PIK3C2A: variants seen among roughly 807,000 people sequenced by gnomAD.
PIK3C2A encodes the protein phosphatidylinositol 4-phosphate 3-kinase C2 domain-containing subunit alpha.
A neutral mutation model predicts 204.5 loss-of-function variants in PIK3C2A; 97 were observed. The ratio of observed to expected loss-of-function variants is 0.47; its 90% CI spans 0.40 to 0.56. The LOEUF (loss-of-function observed/expected upper bound fraction) is 0.56. Ranked by LOEUF, PIK3C2A falls within the 20% of genes least tolerant of loss-of-function variation. The probability of loss-of-function intolerance (pLI) is 0.00; values close to 1 mark genes in which losing one functional copy is unlikely to be tolerated. For missense variants in PIK3C2A, 1,735 were observed against 1,969.2 expected, an observed-to-expected ratio of 0.88 and a Z score of 2.25; for synonymous variants, 653 against 664.4, an observed-to-expected ratio of 0.98 and a Z score of 0.26.
At chr11:17,123,185 A>C (rs1287614889) in intron 13 of PIK3C2A, among the ~76,000 whole-genome samples, 2 of 152,222 alleles carry the variant, frequency 1.3e-5, no homozygotes, top group Non-Finnish European at 2.9e-5. Flanking sequence ...TTTGGATTAC[A>C]GAACTGCTTC....
intron 20 of PIK3C2A, among the ~76,000 whole-genome samples, chr11:17,113,994 C>T (rs1239015846): frequency 1.3e-5 from 2 of 151,752 alleles, no homozygotes; most frequent in Non-Finnish European, 2.9e-5. Context: ...GCAGGAGAAT[C>T]GCTTGAACTT....
intron 32 of PIK3C2A, among the ~76,000 whole-genome samples, chr11:17,090,474 TAAATA>T (rs1213263225): frequency 1.3e-5 from 2 of 151,968 alleles, no homozygotes; most frequent in Admixed American, 6.6e-5. Flanking sequence ...CCTCTAAAAA[TAAATA>T]AAATAATATA....
At chr11:17,133,380 T>G (rs566340609) in intron 11 of PIK3C2A, among the ~76,000 whole-genome samples, 26 of 152,120 alleles carry the variant, frequency 1.7e-4, no homozygotes, top group Non-Finnish European at 2.6e-4. Flanking sequence ...GTACAGGTTT[T>G]TTGCCGCCTT....
Position 17,089,431 on chromosome 11 carries a change from A to ACTGAC in PIK3C2A, c.*302_*306dup, listed in dbSNP as rs1288416318. On this transcript the variant is annotated 3_prime_UTR_variant, in exon 33 of 33. Transcript: ENST00000691414. ...AAAACAATGCAAAATAGGTGGCTGA[A>ACTGAC]CTGACATAGTACTGTCTCAAAGTCT... 1 of 212,222 alleles carries ACTGAC rather than the reference A, an allele frequency of 4.7e-6. No individual in the cohort carries two copies. The highest frequency in any genetic ancestry group is 2.3e-5 in the African/African-American group (1 of 43,918). 13.1% of individuals were successfully genotyped at this position (212,222 alleles called of 1,614,324 possible).
chr11:17,119,006 G>A (rs573108210), intron 17 of PIK3C2A, among the ~76,000 whole-genome samples: 1 of 152,086 alleles, frequency 6.6e-6, no homozygotes, highest in Non-Finnish European at 1.5e-5. Flanking sequence ...TAAAAAGTCT[G>A]AAAACTAAAA....
chr11:17,139,890 T>A (rs116645543), intron 8 of PIK3C2A, among the ~76,000 whole-genome samples: 2,720 of 152,256 alleles, frequency 0.018, 87 homozygotes, highest in African/African-American at 0.061. Context: ...GCTGAGCACT[T>A]TTAGGAAAAT....
intron 13 of PIK3C2A, among the ~76,000 whole-genome samples, chr11:17,128,022 T>C (rs896590735): frequency 7.9e-5 from 12 of 152,172 alleles, no homozygotes; most frequent in Admixed American, 2.6e-4. Flanking sequence ...ATCTCTGTAC[T>C]TTGATTCCCC....
chr11:17,198,541 G>A (rs1055206339), intron 1 of PIK3C2A, among the ~76,000 whole-genome samples: 1 of 152,094 alleles, frequency 6.6e-6, no homozygotes, highest in African/African-American at 2.4e-5. Flanking sequence ...ATATAATAGC[G>A]ATTTTAAAAT....
At chr11:17,115,259 T>C (rs1590924091) in intron 19 of PIK3C2A, among the ~76,000 whole-genome samples, 1 of 150,054 alleles carries the variant, frequency 6.7e-6, no homozygotes, top group Non-Finnish European at 1.5e-5. Context: ...ATAGGCTGGG[T>C]GGATGGCTCA....
intron 2 of PIK3C2A, among the ~76,000 whole-genome samples, chr11:17,162,529 G>C (rs1372357331): frequency 6.6e-6 from 1 of 152,114 alleles, no homozygotes; most frequent in East Asian, 1.9e-4. Flanking sequence ...AACCTAACTG[G>C]ATGTGTACAA....
At position 17,155,569 on chromosome 11, in the gene PIK3C2A, CT is replaced by C; in HGVS notation, c.1125del (p.Val376TyrfsTer16). 6.2e-7 allele frequency: 1 copy of C among 1,607,936 alleles called. No individual in the cohort carries two copies. Among genetic ancestry groups the C allele is most frequent in the Non-Finnish European group, 8.5e-7 (1 of 1,175,456 alleles). ...AAAGCTGCCATCTCCTCATTCTGTA[CT>C]TCAACTTCTTGAAGAAGAGAACTTC... is the stretch of plus-strand genomic sequence containing the variant. ...PTGSSLLQEV[E>X]VQNEEMAAFC... is the part of the protein sequence containing the mutation. On this transcript the variant is annotated frameshift_variant, in exon 3 of 33. Coordinates refer to ENST00000691414, the MANE Select transcript of PIK3C2A (RefSeq NM_002645.4). LOFTEE classifies it high-confidence loss of function.
At chr11:17,181,647 T>TAC (rs1851566016) in intron 1 of PIK3C2A, among the ~76,000 whole-genome samples, 1 of 51,920 alleles carries the variant, frequency 1.9e-5, no homozygotes, top group African/African-American at 1.1e-4. Flanking sequence ...TATATATATA[T>TAC]ATATATATAT....
intron 1 of PIK3C2A, among the ~76,000 whole-genome samples, chr11:17,178,885 G>A (rs1447153048): frequency 2.0e-5 from 3 of 150,768 alleles, no homozygotes; most frequent in East Asian, 1.9e-4. Flanking sequence ...GCCCGCCACC[G>A]CGCCCGGCTA....
intron 1 of PIK3C2A, among the ~76,000 whole-genome samples, chr11:17,183,931 C>T (rs1851655279): frequency 6.8e-6 from 1 of 147,832 alleles, no homozygotes. Context: ...ATAGTGAGAA[C>T]CCTCTTTAAA....
chr11:17,165,793 A>G (rs1850926639), intron 2 of PIK3C2A, among the ~76,000 whole-genome samples: 2 of 151,164 alleles, frequency 1.3e-5, no homozygotes, highest in African/African-American at 2.4e-5. Context: ...AAAAAAAAAA[A>G]AAAAAAAAAA....
chr11:17,131,054 G>A (rs1849678758), intron 12 of PIK3C2A, among the ~76,000 whole-genome samples: 1 of 152,028 alleles, frequency 6.6e-6, no homozygotes, highest in African/African-American at 2.4e-5. Context: ...CAGGCGTGGT[G>A]GCGCATGCCT....
intron 18 of PIK3C2A, 40 bp from the exon 19 acceptor site, chr11:17,117,711 T>G: frequency 2.4e-6 from 2 of 847,912 alleles, no homozygotes; most frequent in Non-Finnish European, 3.3e-6. Flanking sequence ...CGTCTTGGTT[T>G]TTTTTTTTTT....
In PIK3C2A at chr11:17,119,420, A is replaced by G. The variant is rs935412712; in HGVS notation, c.2847-107T>C. ...TGGTCCTGACAAAGAACACTAAGAT[A>G]TCTCTTTTATTCAAAAGCAATGTAT... is the stretch of plus-strand genomic sequence containing the variant. On this transcript the variant is annotated intron_variant, in intron 16 of 32. Coordinates refer to ENST00000691414, the MANE Select transcript of PIK3C2A (RefSeq NM_002645.4). The G allele has an allele frequency of 5.1e-5, 36 of 699,152 alleles. No individual in the cohort carries two copies. The African/African-American group carries it at 6.1e-4, about 12-fold the overall frequency. The allele number at this position is 699,152 out of a possible 1,614,324, so 43.3% of individuals were successfully genotyped here. A position where few individuals can be genotyped will look rare whatever the true frequency, so the allele number is the denominator to read the frequency against.
intron 13 of PIK3C2A, among the ~76,000 whole-genome samples, chr11:17,124,721 T>C (rs542993768): frequency 3.3e-5 from 5 of 152,380 alleles, no homozygotes; most frequent in African/African-American, 9.6e-5. Context: ...AGAGTCTATA[T>C]GGTCTGCAAA....
Sources: allele counts gnomAD v4.1 joint callset (sites outside exome capture counted in the v4.1 genomes callset), GRCh38; gene constraint gnomAD v4.1.1; transcripts MANE v1.5; gene names NCBI Gene and HGNC (gene_info 2026-07-23, HGNC 2026-07-21).